DAPK1: variants seen among roughly 807,000 people sequenced by gnomAD.
DAPK1 encodes the protein death-associated protein kinase 1.
Under a neutral mutation model 144.9 loss-of-function variants are expected in DAPK1, and 56 were observed. The observed-to-expected ratio is 0.39, with a 90% CI of 0.31 to 0.48. DAPK1 has a LOEUF of 0.48. Among genes scored for constraint, DAPK1 ranks in the 20% least tolerant of loss-of-function variants. The pLI is 0.95. For synonymous variants in DAPK1, 690 were observed against 749.0 expected (o/e 0.92, Z 1.29); for missense variants, 1,454 against 1,875.4 (o/e 0.78, Z 4.15).
At chr9:87,533,138 T>G (rs551159566) in intron 2 of DAPK1, among the ~76,000 whole-genome samples, 1 of 152,340 alleles carries the variant, frequency 6.6e-6, no homozygotes, top group South Asian at 2.1e-4. Context: ...ACACACACAT[T>G]GTAAATTTTG....
intron 11 of DAPK1, among the ~76,000 whole-genome samples, chr9:87,644,844 G>T (rs538722542): frequency 6.6e-6 from 1 of 152,088 alleles, no homozygotes; most frequent in Non-Finnish European, 1.5e-5. Flanking sequence ...CTAATCATGG[G>T]GATGAGTCAT....
At chr9:87,658,577 G>A (rs1830715319) in intron 18 of DAPK1, among the ~76,000 whole-genome samples, 1 of 152,146 alleles carries the variant, frequency 6.6e-6, no homozygotes, top group African/African-American at 2.4e-5. Flanking sequence ...GCCGTAAGCA[G>A]GAGTTGCTTA....
chr9:87,543,758 A>G (rs1587703859), intron 2 of DAPK1, among the ~76,000 whole-genome samples: 2 of 152,168 alleles, frequency 1.3e-5, no homozygotes, highest in South Asian at 2.1e-4. Flanking sequence ...GTTCTGTAAG[A>G]TGGACCATTT....
chr9:87,649,392 C>T (rs1055643628), intron 15 of DAPK1, among the ~76,000 whole-genome samples: 1 of 152,190 alleles, frequency 6.6e-6, no homozygotes, highest in Non-Finnish European at 1.5e-5. Context: ...GTGTGGCTCT[C>T]CTAATTACCT....
At chr9:87,529,843 G>T (rs1277851786) in intron 2 of DAPK1, among the ~76,000 whole-genome samples, 2 of 152,208 alleles carry the variant, frequency 1.3e-5, no homozygotes, top group Non-Finnish European at 2.9e-5. Flanking sequence ...CTGTTCTGTT[G>T]TTCTGTGGTC....
At chr9:87,660,866 A>G (rs1830821294) in intron 18 of DAPK1, among the ~76,000 whole-genome samples, 1 of 151,774 alleles carries the variant, frequency 6.6e-6, no homozygotes, top group Admixed American at 6.6e-5. Context: ...CTGTTTTTTG[A>G]GACAGAGTCT....
At chr9:87,660,796 C>T (rs544256819) in intron 18 of DAPK1, among the ~76,000 whole-genome samples, 1 of 152,260 alleles carries the variant, frequency 6.6e-6, no homozygotes, top group South Asian at 2.1e-4. Flanking sequence ...ATCCATGTTG[C>T]TACAAAGGAC....
At chr9:87,624,788 G>A (rs1220402405) in intron 3 of DAPK1, among the ~76,000 whole-genome samples, 1 of 152,214 alleles carries the variant, frequency 6.6e-6, no homozygotes, top group Non-Finnish European at 1.5e-5. Context: ...GAGGCCTAGC[G>A]AAGCGAATTC....
intron 2 of DAPK1, among the ~76,000 whole-genome samples, chr9:87,549,730 C>T (rs886672310): frequency 1.3e-5 from 2 of 152,150 alleles, no homozygotes; most frequent in African/African-American, 4.8e-5. Context: ...TGCACTTGTA[C>T]AACTCGTAGC....
chr9:87,633,445 TA>T (rs1195963437), intron 3 of DAPK1: 1 of 945,966 alleles, frequency 1.1e-6, no homozygotes, highest in African/African-American at 1.8e-5. Context: ...CTAACCTTTC[TA>T]ATGTCTAACT....
intron 19 of DAPK1, among the ~76,000 whole-genome samples, chr9:87,679,017 CAGG>C (rs1368852398): frequency 6.6e-6 from 1 of 152,070 alleles, no homozygotes; most frequent in African/African-American, 2.4e-5. Flanking sequence ...TGGAAGAGAT[CAGG>C]AGATCAGAAG....
rs1051420767 is a variant in DAPK1 at position 87,708,356 on chromosome 9, T to A, written c.*992T>A. 6.5e-6 allele frequency: 1 copy of A among 152,700 alleles called. No individual in the cohort carries two copies. The highest frequency in any genetic ancestry group is 1.5e-5 in the Non-Finnish European group (1 of 68,096). The allele number at this position is 152,700 out of a possible 1,614,324, so 9.5% of individuals were successfully genotyped here. ...CACATTTAGATCCTGGTTTCATAAC[T>A]TCCTGTACTTGAAGTCTAAAAGCAG... On this transcript the variant is annotated 3_prime_UTR_variant, in exon 26 of 26. Transcript: ENST00000408954.
At chr9:87,579,254 C>G (rs1170628311) in intron 2 of DAPK1, among the ~76,000 whole-genome samples, 20 of 152,198 alleles carry the variant, frequency 1.3e-4, no homozygotes. Flanking sequence ...ATCAGAGAAT[C>G]CATCTTCTTG....
intron 3 of DAPK1, among the ~76,000 whole-genome samples, chr9:87,612,439 G>A (rs1004763763): frequency 1.3e-5 from 2 of 152,160 alleles, no homozygotes; most frequent in African/African-American, 4.8e-5. Flanking sequence ...CTAGGACAGA[G>A]GCATGGAGCA....
chr9:87,542,373 A>T (rs902208046), intron 2 of DAPK1, among the ~76,000 whole-genome samples: 1 of 152,144 alleles, frequency 6.6e-6, no homozygotes, highest in Non-Finnish European at 1.5e-5. Flanking sequence ...CAGATGAGGA[A>T]ATTGAGGGAT....
chr9:87,669,739 C>T (rs1433096431), intron 19 of DAPK1, among the ~76,000 whole-genome samples: 1 of 148,956 alleles, frequency 6.7e-6, no homozygotes, highest in Non-Finnish European at 1.5e-5. Context: ...TATTTTCATA[C>T]ATGTCCTGTG....
chr9:87,657,699 T>C, intron 17 of DAPK1: 1 of 339,830 alleles, frequency 2.9e-6, no homozygotes. Flanking sequence ...CTTCCCTGGC[T>C]GTGTCTAAAT....
chr9:87,526,650 T>C (rs1047369016), intron 2 of DAPK1, among the ~76,000 whole-genome samples: 1 of 152,190 alleles, frequency 6.6e-6, no homozygotes, highest in Non-Finnish European at 1.5e-5. Flanking sequence ...ACCAGGTATA[T>C]TTGGTATTTT....
intron 2 of DAPK1, among the ~76,000 whole-genome samples, chr9:87,573,323 A>G (rs1056549216): frequency 2.6e-5 from 4 of 152,246 alleles, no homozygotes; most frequent in Admixed American, 2.0e-4. Flanking sequence ...AGGCAAGCCC[A>G]TCGTGCACTG....
Sources: gnomAD v4.1 joint callset for allele counts (sites outside exome capture counted in the v4.1 genomes callset) on GRCh38, gnomAD v4.1.1 for gene constraint, MANE v1.5 for transcripts, NCBI Gene and HGNC (gene_info 2026-07-23, HGNC 2026-07-21) for gene names.